The following MSRA variants were observed in gnomAD, a reference collection of about 807,000 sequenced individuals.
MSRA encodes methionine sulfoxide reductase A.
A neutral mutation model predicts 31.3 loss-of-function variants in MSRA; 54 were observed. That is an observed-to-expected ratio of 1.73 (90% CI 1.39 to 2.17). The LOEUF (loss-of-function observed/expected upper bound fraction) is 2.17, where lower values mean the gene tolerates loss of function less well. Among genes scored for constraint, MSRA ranks in the 30% most tolerant of loss-of-function variants. MSRA has a pLI of 0.00. For synonymous variants in MSRA, 169 were observed against 116.5 expected (o/e 1.45, Z -2.90); for missense variants, 507 against 300.9 (o/e 1.69, Z -5.07).
In MSRA at chr8:10,080,350, G is replaced by T. The variant is rs868097466; in HGVS notation, c.142+25692G>T. On this transcript the variant is annotated intron_variant, in intron 1 of 5. Coordinates refer to ENST00000317173, the MANE Select transcript of MSRA (RefSeq NM_012331.5). ...TTTTTTTCCTGAAATTTCTTACAGA[G>T]ACCAACCCTGTTTTCACTATCTGAA... Among the ~76,000 whole-genome samples the T allele has an allele frequency of 2.0e-5, 3 of 148,828 alleles. No homozygotes were observed. In the East Asian group the frequency reaches 5.9e-4, roughly 29 times the overall value.
intron 3 of MSRA, among the ~76,000 whole-genome samples, chr8:10,272,772 C>A (rs929058892): frequency 1.3e-5 from 2 of 152,084 alleles, no homozygotes; most frequent in African/African-American, 4.8e-5. Context: ...CTGTACATTT[C>A]TTGAGGGAGA....
intron 2 of MSRA, among the ~76,000 whole-genome samples, chr8:10,211,241 C>G (rs1320966980): frequency 1.3e-5 from 2 of 152,120 alleles, no homozygotes. Context: ...ATGGTCATAT[C>G]AAGGGATCAG....
chr8:10,239,988 G>T (rs1812270308), intron 2 of MSRA, among the ~76,000 whole-genome samples: 1 of 152,172 alleles, frequency 6.6e-6, no homozygotes, highest in Non-Finnish European at 1.5e-5. Flanking sequence ...CTGGTGACGT[G>T]CAGTAAAATA....
At chr8:10,279,016 A>T (rs896847948) in intron 3 of MSRA, among the ~76,000 whole-genome samples, 1 of 152,068 alleles carries the variant, frequency 6.6e-6, no homozygotes, top group African/African-American at 2.4e-5. Flanking sequence ...TTGCCCCGTG[A>T]TGGTTATTTT....
intron 5 of MSRA, among the ~76,000 whole-genome samples, chr8:10,325,600 T>G (rs1802316604): frequency 6.6e-6 from 1 of 152,224 alleles, no homozygotes; most frequent in African/African-American, 2.4e-5. Flanking sequence ...GTTTATTCAG[T>G]TGATATAACT....
chr8:10,145,542 CGT>C (rs1475041252), intron 1 of MSRA, among the ~76,000 whole-genome samples: 4 of 152,168 alleles, frequency 2.6e-5, no homozygotes, highest in Non-Finnish European at 5.9e-5. Context: ...TCTGAAGAGG[CGT>C]GTTTGTGAGC....
rs545875281 is a variant in MSRA at position 10,205,768 on chromosome 8, A to C, written c.143-2065A>C. Among the ~76,000 whole-genome samples, 6 of 152,374 alleles carry C rather than the reference A, an allele frequency of 3.9e-5. No individual in the cohort carries two copies. In the South Asian group the frequency reaches 8.3e-4, roughly 21 times the overall value. Reference sequence around the variant, plus strand: ...TTTATGTTCTTCTGCCAGTCTTTTCACATAAATATTCATATTTTAATTAGT... The same window carrying C: ...TTTATGTTCTTCTGCCAGTCTTTTCCCATAAATATTCATATTTTAATTAGT... On this transcript the variant is annotated intron_variant, in intron 1 of 5. Coordinates refer to ENST00000317173, the MANE Select transcript of MSRA (RefSeq NM_012331.5).
rs549760081 is a variant in MSRA, at chr8:10,320,896, T to C, written c.543+907T>C. 3.3e-5 allele frequency among the ~76,000 whole-genome samples: 5 copies of C among 152,340 alleles called. No homozygotes were observed. The South Asian group carries it at 8.3e-4, about 25-fold the overall frequency. On this transcript the variant is annotated intron_variant, in intron 5 of 5. Coordinates refer to ENST00000317173, the MANE Select transcript of MSRA (RefSeq NM_012331.5). Reference sequence around the variant, plus strand: ...TGTTTTTAAACAGTCTCTAGTCATATTGGCTTAGTGCTAACCCTCATGACC... The same window carrying C: ...TGTTTTTAAACAGTCTCTAGTCATACTGGCTTAGTGCTAACCCTCATGACC...
intron 1 of MSRA, among the ~76,000 whole-genome samples, chr8:10,084,044 G>A (rs1159442527): frequency 1.3e-5 from 2 of 152,204 alleles, no homozygotes; most frequent in African/African-American, 4.8e-5. Flanking sequence ...AAATGTGCAA[G>A]GACTTGTGCA....
chr8:10,137,670 G>T (rs1802385413), intron 1 of MSRA, among the ~76,000 whole-genome samples: 1 of 152,172 alleles, frequency 6.6e-6, no homozygotes, highest in Non-Finnish European at 1.5e-5. Flanking sequence ...TCCTAACAGT[G>T]TTCTGATTTG....
chr8:10,343,633 A>C (rs780477128), intron 5 of MSRA, among the ~76,000 whole-genome samples: 1 of 152,134 alleles, frequency 6.6e-6, no homozygotes, highest in Non-Finnish European at 1.5e-5. Flanking sequence ...TTATTCAACA[A>C]ATGTAAATGT....
intron 1 of MSRA, among the ~76,000 whole-genome samples, chr8:10,159,720 C>T (rs780312004): frequency 2.0e-4 from 30 of 152,116 alleles, no homozygotes; most frequent in Non-Finnish European, 3.8e-4. Flanking sequence ...TTGGCATTAT[C>T]TCTTAAGTCT....
At chr8:10,199,652 G>A (rs1808328399) in intron 1 of MSRA, among the ~76,000 whole-genome samples, 1 of 152,114 alleles carries the variant, frequency 6.6e-6, no homozygotes, top group Non-Finnish European at 1.5e-5. Context: ...TCACACTAGT[G>A]GGCTTGTGCA....
At chr8:10,165,001 C>T (rs1367077357) in intron 1 of MSRA, among the ~76,000 whole-genome samples, 1 of 152,072 alleles carries the variant, frequency 6.6e-6, no homozygotes, top group African/African-American at 2.4e-5. Flanking sequence ...GCACTCCACC[C>T]TGGGCGACAG....
intron 5 of MSRA, among the ~76,000 whole-genome samples, chr8:10,406,959 C>T (rs1301146174): frequency 1.3e-5 from 2 of 152,206 alleles, no homozygotes; most frequent in African/African-American, 4.8e-5. Context: ...CTCCCTGTGG[C>T]CTCAGCCTTC....
At chr8:10,404,053 A>G (rs991635151) in intron 5 of MSRA, among the ~76,000 whole-genome samples, 1 of 152,246 alleles carries the variant, frequency 6.6e-6, no homozygotes, top group Admixed American at 6.5e-5. Flanking sequence ...TATATATCAT[A>G]TTAACATAAA....
chr8:10,217,178 T>A (rs1487134254), intron 2 of MSRA, among the ~76,000 whole-genome samples: 3 of 152,226 alleles, frequency 2.0e-5, no homozygotes, highest in Non-Finnish European at 4.4e-5. Context: ...ATCACACATA[T>A]TTTGGATTCT....
chr8:10,092,095 C>T (rs185155565), intron 1 of MSRA, among the ~76,000 whole-genome samples: 2 of 150,966 alleles, frequency 1.3e-5, no homozygotes, highest in East Asian at 2.0e-4. Flanking sequence ...AGTACTCTTG[C>T]AGTGTCTTTG....
chr8:10,157,051 C>G (rs993305490), intron 1 of MSRA, among the ~76,000 whole-genome samples: 7 of 151,862 alleles, frequency 4.6e-5, no homozygotes, highest in Non-Finnish European at 7.4e-5. Flanking sequence ...GTGGCTTTTG[C>G]AAGGCCGCGT....
Sources: gnomAD v4.1 joint callset for allele counts (sites outside exome capture counted in the v4.1 genomes callset) on GRCh38, gnomAD v4.1.1 for gene constraint, MANE v1.5 for transcripts, NCBI Gene and HGNC (gene_info 2026-07-23, HGNC 2026-07-21) for gene names.